FHIT: variants seen among roughly 807,000 people sequenced by gnomAD.
FHIT encodes fragile histidine triad diadenosine triphosphatase.
In FHIT, 19 loss-of-function variants were observed where a neutral mutation model predicts 17.9. The observed-to-expected ratio is 1.06, with a 90% CI of 0.74 to 1.56. The LOEUF is 1.56. FHIT is among the 40% of genes most tolerant of loss of function. The pLI, the probability that FHIT is intolerant of heterozygous loss-of-function variation, is 0.00. For missense variants in FHIT, 248 were observed against 189.2 expected (o/e 1.31, Z -1.82); for synonymous variants, 81 against 69.7 (o/e 1.16, Z -0.81).
intron 5 of FHIT, among the ~76,000 whole-genome samples, chr3:60,518,578 A>G (rs2107559227): frequency 6.6e-6 from 1 of 152,346 alleles, no homozygotes; most frequent in South Asian, 2.1e-4. Flanking sequence ...TAGTGATTCC[A>G]GTTTAAGAAA....
At chr3:60,911,475 G>A (rs1706741231) in intron 3 of FHIT, among the ~76,000 whole-genome samples, 1 of 151,806 alleles carries the variant, frequency 6.6e-6, no homozygotes, top group Admixed American at 6.6e-5. Flanking sequence ...TACAGTAAAG[G>A]TATTTGAGAG....
chr3:60,539,788 T>A (rs2036119392), intron 4 of FHIT, among the ~76,000 whole-genome samples: 1 of 151,890 alleles, frequency 6.6e-6, no homozygotes, highest in African/African-American at 2.4e-5. Context: ...CTGGGGCCTG[T>A]TGTGGGGTGG....
At chr3:59,800,556 C>G (rs997805845) in intron 8 of FHIT, among the ~76,000 whole-genome samples, 4 of 152,122 alleles carry the variant, frequency 2.6e-5, no homozygotes, top group Non-Finnish European at 5.9e-5. Flanking sequence ...GAGTTTAAAG[C>G]TATAATGAAT....
At chr3:60,857,656 C>T (rs1317342765) in intron 3 of FHIT, among the ~76,000 whole-genome samples, 5 of 152,188 alleles carry the variant, frequency 3.3e-5, no homozygotes. Context: ...TGCTCCTGGG[C>T]CTGGTGGCTC....
At chr3:60,161,281 C>A (rs2107365582) in intron 5 of FHIT, among the ~76,000 whole-genome samples, 1 of 152,268 alleles carries the variant, frequency 6.6e-6, no homozygotes, top group African/African-American at 2.4e-5. Flanking sequence ...CAAACCCTTC[C>A]CATGGGCATC....
At chr3:60,084,021 A>G (rs1422923050) in intron 5 of FHIT, among the ~76,000 whole-genome samples, 1 of 140,674 alleles carries the variant, frequency 7.1e-6, no homozygotes, top group Non-Finnish European at 1.5e-5. Context: ...GATGACCACC[A>G]CATATTAAGT....
chr3:60,127,638 G>C (rs972418843), intron 5 of FHIT, among the ~76,000 whole-genome samples: 2 of 152,056 alleles, frequency 1.3e-5, no homozygotes, highest in African/African-American at 2.4e-5. Context: ...GTCTCACTCT[G>C]TCACCCTGGC....
chr3:60,342,284 C>T (rs1442457291), intron 5 of FHIT, among the ~76,000 whole-genome samples: 1 of 152,204 alleles, frequency 6.6e-6, no homozygotes, highest in Non-Finnish European at 1.5e-5. Context: ...CTTTGCATAG[C>T]ATATCAGGCA....
intron 8 of FHIT, among the ~76,000 whole-genome samples, chr3:59,803,544 A>G (rs2106994622): frequency 6.6e-6 from 1 of 152,342 alleles, no homozygotes; most frequent in East Asian, 1.9e-4. Context: ...TTGAGAAAAC[A>G]CTTTGCGTAT....
At chr3:59,996,671 G>C (rs907417816) in intron 7 of FHIT, among the ~76,000 whole-genome samples, 3 of 152,092 alleles carry the variant, frequency 2.0e-5, no homozygotes, top group African/African-American at 7.2e-5. Flanking sequence ...AAAGAAAAAT[G>C]ATTAGCATGA....
intron 5 of FHIT, among the ~76,000 whole-genome samples, chr3:60,028,146 C>T (rs1700834228): frequency 6.7e-6 from 1 of 149,784 alleles, no homozygotes; most frequent in African/African-American, 2.5e-5. Flanking sequence ...GGTGGGTGGC[C>T]ACCACCTAGA....
chr3:60,154,371 G>C (rs1437474072), intron 5 of FHIT, among the ~76,000 whole-genome samples: 1 of 152,104 alleles, frequency 6.6e-6, no homozygotes, highest in South Asian at 2.1e-4. Flanking sequence ...ATGGCATCAG[G>C]CATACCGAAA....
chr3:60,840,768 C>G (rs2736756), intron 3 of FHIT, among the ~76,000 whole-genome samples: 36,674 of 152,094 alleles, frequency 0.24, 4,759 homozygotes, highest in Middle Eastern at 0.33. Flanking sequence ...AGGAGACTGA[C>G]GTTTTCTGTT....
At chr3:60,132,777 G>C (rs955082536) in intron 5 of FHIT, among the ~76,000 whole-genome samples, 1 of 152,040 alleles carries the variant, frequency 6.6e-6, no homozygotes, top group African/African-American at 2.4e-5. Flanking sequence ...CAACAGCTAA[G>C]GTAAATAAGG....
chr3:60,640,480 T>G (rs1222458358), intron 4 of FHIT, among the ~76,000 whole-genome samples: 2 of 152,134 alleles, frequency 1.3e-5, no homozygotes, highest in Non-Finnish European at 2.9e-5. Context: ...TGCTAGTGAG[T>G]GGTATTTTCT....
chr3:61,099,893 C>A (rs929922721), intron 2 of FHIT, among the ~76,000 whole-genome samples: 2 of 151,336 alleles, frequency 1.3e-5, no homozygotes, highest in African/African-American at 4.9e-5. Flanking sequence ...CTTTTTTTAT[C>A]CAAGTAATTG....
intron 8 of FHIT, among the ~76,000 whole-genome samples, chr3:59,854,803 CAGAG>C (rs140363887): frequency 0.25 from 37,547 of 151,826 alleles, 5,076 homozygotes; most frequent in East Asian, 0.57. Flanking sequence ...ATTAAGTGAG[CAGAG>C]AGAGAGGAGC....
At chr3:60,090,786 T>TAAG (rs1703698916) in intron 5 of FHIT, among the ~76,000 whole-genome samples, 1 of 152,138 alleles carries the variant, frequency 6.6e-6, no homozygotes, top group African/African-American at 2.4e-5. Flanking sequence ...AACATACATC[T>TAAG]AAGGAGACAA....
intron 8 of FHIT, among the ~76,000 whole-genome samples, chr3:59,890,601 C>T (rs372156799): frequency 6.6e-6 from 1 of 152,242 alleles, no homozygotes; most frequent in East Asian, 1.9e-4. Context: ...TTTTATTACT[C>T]TGAAATCAGC....
Sources: gnomAD v4.1 joint callset for allele counts (sites outside exome capture counted in the v4.1 genomes callset) on GRCh38, gnomAD v4.1.1 for gene constraint, MANE v1.5 for transcripts, NCBI Gene and HGNC (gene_info 2026-07-23, HGNC 2026-07-21) for gene names.